The following TFDP1 variants were observed in gnomAD, a reference collection of about 807,000 sequenced individuals.
TFDP1 encodes transcription factor Dp-1.
A neutral mutation model predicts 48.0 loss-of-function variants in TFDP1; 6 were observed. That is an observed-to-expected ratio of 0.13 (90% CI 0.07 to 0.25). The LOEUF is 0.25. TFDP1 is among the 10% of genes least tolerant of loss of function. TFDP1 has a pLI of 1.00. For missense variants in TFDP1, 335 were observed against 543.0 expected, an observed-to-expected ratio of 0.62 and a Z score of 3.81; for synonymous variants, 201 against 211.6, an observed-to-expected ratio of 0.95 and a Z score of 0.44.
At position 113,623,329 on chromosome 13, in the gene TFDP1, G is replaced by A; in HGVS notation, c.186+43G>A. ...GCGGACAGCCGGGATCTCGGTGTGA[G>A]GTCGGGATCGGATGAGCCGTGTGGT... On this transcript the variant is annotated intron_variant, in intron 4 of 11. Coordinates refer to ENST00000375370, the MANE Select transcript of TFDP1 (RefSeq NM_007111.5). The surrounding 1 kb of genome is among the most constrained non-coding windows in gnomAD (Gnocchi z 5.2). 6.5e-7 allele frequency: 1 copy of A among 1,545,792 alleles called. No homozygotes were observed. Among genetic ancestry groups the A allele is most frequent in the Middle Eastern group, 1.7e-4 (1 of 5,974 alleles).
intron 4 of TFDP1, among the ~76,000 whole-genome samples, chr13:113,630,757 A>T (rs4150769): frequency 1.3e-5 from 2 of 152,120 alleles, no homozygotes; most frequent in Admixed American, 6.5e-5. Context: ...TCACACTCGA[A>T]CATTCATTGT....
chr13:113,631,169 A>G (rs4150771), intron 4 of TFDP1, among the ~76,000 whole-genome samples: 5,403 of 152,324 alleles, frequency 0.035, 255 homozygotes, highest in East Asian at 0.11. Context: ...TTAGTACCAC[A>G]GAAGGATACA....
intron 11 of TFDP1, 70 bp downstream of exon 11, chr13:113,637,966 G>T: frequency 6.4e-7 from 1 of 1,573,232 alleles, no homozygotes; most frequent in Non-Finnish European, 8.6e-7. Flanking sequence ...CCAAGGCAGG[G>T]CAGCCGTCTC....
In TFDP1 at chr13:113,623,223, G is replaced by T. The variant is rs201563015; in HGVS notation, c.123G>T (p.Pro41=). ...LVAVHPSTVN[P]LGKQLLPKTF... is the part of the protein sequence containing the mutation. ...CCGTTCACCCCTCCACCGTCAACCC[G>T]CTCGGGAAGCAGCTCTTGCCAAAAA... The change falls in exon 4 of 12, where the codon CCG becomes CCT. Residue 41 remains proline (P), a synonymous_variant. Coordinates refer to ENST00000375370, the MANE Select transcript of TFDP1 (RefSeq NM_007111.5). The surrounding 1 kb of genome is among the most constrained non-coding windows in gnomAD (Gnocchi z 5.2). 3.5e-5 allele frequency: 56 copies of T among 1,613,644 alleles called. No individual in the cohort carries two copies. The Admixed American group carries it at 5.8e-4, about 17-fold the overall frequency.
intron 2 of TFDP1, among the ~76,000 whole-genome samples, chr13:113,608,448 T>C (rs2048623268): frequency 6.6e-6 from 1 of 152,104 alleles, no homozygotes; most frequent in African/African-American, 2.4e-5. Context: ...AGGGCAGTCA[T>C]CCTCCACAGC....
At position 113,641,003 on chromosome 13, in the gene TFDP1, A is replaced by G. The variant is rs1594553088; in HGVS notation, c.*736A>G. ...CTGTCTGGAAGGCTTGGAATGGTTT[A>G]TTGCTTATGGTAAAATTTGCCTGAT... On this transcript the variant is annotated 3_prime_UTR_variant, in exon 12 of 12. Coordinates refer to ENST00000375370, the MANE Select transcript of TFDP1 (RefSeq NM_007111.5). The G allele has an allele frequency of 6.6e-6, 1 of 152,554 alleles. No individual in the cohort carries two copies. The highest frequency in any genetic ancestry group is 2.4e-5 in the African/African-American group (1 of 41,402). The allele number at this position is 152,554 out of a possible 1,614,324, so 9.5% of individuals were successfully genotyped here. A position where few individuals can be genotyped will look rare whatever the true frequency, so the allele number is the denominator to read the frequency against.
At chr13:113,636,358 G>A (rs185707168) in intron 9 of TFDP1, among the ~76,000 whole-genome samples, 176 bp from the exon 10 acceptor site, 132 of 152,346 alleles carry the variant, frequency 8.7e-4, no homozygotes, top group Non-Finnish European at 1.6e-3. Context: ...AATAGGCCTC[G>A]ATTTGCCTCT....
rs192305337 is a variant in TFDP1, at chr13:113,597,919, G to A, written c.12+12070G>A. Among the ~76,000 whole-genome samples, 489 of 152,310 alleles carry A rather than the reference G, an allele frequency of 3.2e-3. 2 individuals are homozygous for A. The highest frequency in any genetic ancestry group is 0.011 in the African/African-American group (467 of 41,562). Reference sequence around the variant, plus strand: ...GGGCACTGTTTAGAATGATTGAGGGGGTGGCAGGTGGCCAGAAACGGGAGA... The same window carrying A: ...GGGCACTGTTTAGAATGATTGAGGGAGTGGCAGGTGGCCAGAAACGGGAGA... On this transcript the variant is annotated intron_variant, in intron 2 of 11. Transcript: ENST00000375370.
chr13:113,609,830 C>T (rs2048663074), intron 2 of TFDP1, among the ~76,000 whole-genome samples: 1 of 152,190 alleles, frequency 6.6e-6, no homozygotes. Context: ...GGTGCGTGGC[C>T]TCCTGGGACC....
intron 3 of TFDP1, among the ~76,000 whole-genome samples, chr13:113,615,696 G>A (rs1265509944): frequency 6.6e-6 from 1 of 152,190 alleles, no homozygotes. Flanking sequence ...TTGAGGCCAG[G>A]AGTTCAAGAC....
At chr13:113,610,716 C>G (rs1390450032) in intron 2 of TFDP1, among the ~76,000 whole-genome samples, 1 of 152,238 alleles carries the variant, frequency 6.6e-6, no homozygotes, top group Non-Finnish European at 1.5e-5. Context: ...TTTTCCTCAT[C>G]ATTACAATCT....
intron 2 of TFDP1, among the ~76,000 whole-genome samples, chr13:113,603,252 G>A (rs2048484800): frequency 6.6e-6 from 1 of 152,206 alleles, no homozygotes; most frequent in Non-Finnish European, 1.5e-5. Flanking sequence ...GTAAGGGAGA[G>A]TCCTCTTCAT....
chr13:113,588,983 G>C (rs970420052), intron 2 of TFDP1, among the ~76,000 whole-genome samples: 1 of 151,090 alleles, frequency 6.6e-6, no homozygotes, highest in Non-Finnish European at 1.5e-5. Flanking sequence ...TGGACAGTGA[G>C]TGGTGATGGT....
rs145922948 is a variant in TFDP1, at chr13:113,627,273, C to T, written c.186+3987C>T. Among the ~76,000 whole-genome samples, 82 of 152,288 alleles carry T rather than the reference C, an allele frequency of 5.4e-4. No individual in the cohort carries two copies. The highest frequency in any genetic ancestry group is 1.8e-3 in the African/African-American group (75 of 41,552). On this transcript the variant is annotated intron_variant, in intron 4 of 11. Coordinates refer to ENST00000375370, the MANE Select transcript of TFDP1 (RefSeq NM_007111.5). The surrounding 1 kb of genome is among the most constrained non-coding windows in gnomAD (Gnocchi z 4.1). ...GTCAGGGTCTTTTGAGGTGCGGATG[C>T]TTGTGAAGCCTGTGGTGCTGCAGAG...
intron 3 of TFDP1, among the ~76,000 whole-genome samples, chr13:113,616,521 G>T (rs949175493): frequency 3.3e-5 from 5 of 152,308 alleles, no homozygotes; most frequent in African/African-American, 1.2e-4. Flanking sequence ...ATCTGGGAGT[G>T]CCCAGCACAT....
At chr13:113,611,353 C>G (rs2048704080) in intron 3 of TFDP1, among the ~76,000 whole-genome samples, 1 of 152,248 alleles carries the variant, frequency 6.6e-6, no homozygotes, top group African/African-American at 2.4e-5. Context: ...AGTTTGTTTT[C>G]TCTCCACCCA....
chr13:113,614,421 C>T (rs1007132646), intron 3 of TFDP1, among the ~76,000 whole-genome samples: 2 of 152,118 alleles, frequency 1.3e-5, no homozygotes, highest in African/African-American at 4.8e-5. Flanking sequence ...TTTGAGTTGC[C>T]CTCGGCGGTG....
chr13:113,601,340 C>CGGCTGCTGATGGGATCCCGCTCCTTGTG (rs1566643427), intron 2 of TFDP1, among the ~76,000 whole-genome samples: 1 of 150,416 alleles, frequency 6.6e-6, no homozygotes, highest in African/African-American at 2.5e-5. Context: ...TTAACTCACC[C>CGGCTGCTGATGGGATCCCGCTCCTTGTG]GGCTGCTGGT....
intron 2 of TFDP1, among the ~76,000 whole-genome samples, chr13:113,586,336 T>G (rs1004748297): frequency 6.6e-6 from 1 of 152,232 alleles, no homozygotes; most frequent in Admixed American, 6.5e-5. Flanking sequence ...AGGACTTGTT[T>G]TGGCCACTTT....
Sources: gnomAD v4.1 joint callset for allele counts (sites outside exome capture counted in the v4.1 genomes callset) on GRCh38, gnomAD v4.1.1 for gene constraint, Gnocchi (gnomAD v3.1) non-coding constraint, MANE v1.5 for transcripts, NCBI Gene and HGNC (gene_info 2026-07-23, HGNC 2026-07-21) for gene names.